Variants in SMYD3 observed in about 807,000 individuals in gnomAD.
The protein encoded by SMYD3 is histone-lysine N-methyltransferase SMYD3.
In SMYD3, 36 loss-of-function variants were observed where a neutral mutation model predicts 57.7. That is an observed-to-expected ratio of 0.62 (90% CI 0.48 to 0.82). The LOEUF (loss-of-function observed/expected upper bound fraction) is 0.82, where lower values mean the gene tolerates loss of function less well. SMYD3 is among the 40% of genes least tolerant of loss of function. The pLI is 0.00. For missense variants in SMYD3, 515 were observed against 538.8 expected (o/e 0.96, Z 0.44); for synonymous variants, 211 against 195.0 (o/e 1.08, Z -0.68).
chr1:246,073,224 C>CA (rs1180099832), intron 5 of SMYD3, among the ~76,000 whole-genome samples: 2 of 152,096 alleles, frequency 1.3e-5, no homozygotes, highest in Non-Finnish European at 2.9e-5. Flanking sequence ...TTGATGCTTG[C>CA]AAAGAGAACA....
chr1:245,822,188 A>C (rs1255351467), intron 10 of SMYD3, among the ~76,000 whole-genome samples: 2 of 152,170 alleles, frequency 1.3e-5, no homozygotes, highest in Non-Finnish European at 2.9e-5. Context: ...AAAATGTGGC[A>C]CATATACACC....
chr1:245,911,830 C>A (rs1389148574), intron 8 of SMYD3, among the ~76,000 whole-genome samples: 1 of 151,700 alleles, frequency 6.6e-6, no homozygotes, highest in Non-Finnish European at 1.5e-5. Flanking sequence ...CACAATAGGG[C>A]AACTATAGTT....
chr1:246,130,918 T>C (rs2061577570), intron 5 of SMYD3, among the ~76,000 whole-genome samples: 2 of 152,144 alleles, frequency 1.3e-5, no homozygotes, highest in Non-Finnish European at 2.9e-5. Context: ...CCAAACTTCA[T>C]ACTAGAGCAC....
chr1:246,323,645 C>A lies in SMYD3; in HGVS notation c.531+3556G>T, dbSNP rs562121831. On this transcript the variant is annotated intron_variant, in intron 5 of 11. Coordinates refer to ENST00000490107, the MANE Select transcript of SMYD3 (RefSeq NM_001167740.2). ...GAAGTGCAAGTTTGATAAAGATATG[C>A]ATATTCTTCAAGTAAGACTTTTGAC... is the stretch of plus-strand genomic sequence containing the variant. Among the ~76,000 whole-genome samples, 8 of 152,304 alleles carry A rather than the reference C, an allele frequency of 5.3e-5. No homozygotes were observed. The East Asian group carries it at 1.5e-3, about 29-fold the overall frequency.
chr1:246,390,704 T>G (rs1279707481), intron 1 of SMYD3, among the ~76,000 whole-genome samples: 7 of 152,142 alleles, frequency 4.6e-5, no homozygotes, highest in Non-Finnish European at 1.5e-5. Context: ...ATACAAAAAT[T>G]ATGAATATTT....
rs531275776 is a variant in SMYD3, at chr1:245,883,762, C to G, written c.814-19876G>C. On this transcript the variant is annotated intron_variant, in intron 8 of 11. Coordinates refer to ENST00000490107, the MANE Select transcript of SMYD3 (RefSeq NM_001167740.2). ...TAGCGAGATGAATCCTTTTCTAATT[C>G]TTGCCTATTTTTGGCTTTTCAGGGA... Among the ~76,000 whole-genome samples the G allele has an allele frequency of 3.9e-5, 6 of 152,250 alleles. No individual in the cohort carries two copies. In the East Asian group the frequency reaches 5.8e-4, roughly 15 times the overall value.
chr1:246,085,603 T>C (rs1391011628), intron 5 of SMYD3, among the ~76,000 whole-genome samples: 1 of 152,162 alleles, frequency 6.6e-6, no homozygotes, highest in East Asian at 1.9e-4. Context: ...TCCTCCAGTT[T>C]ATAACATTCA....
At chr1:245,918,491 G>A (rs2055614004) in intron 7 of SMYD3, among the ~76,000 whole-genome samples, 1 of 152,202 alleles carries the variant, frequency 6.6e-6, no homozygotes. Flanking sequence ...CTTCAGCTGA[G>A]ACAACAGCCA....
At chr1:246,481,844 T>C (rs1276367830) in intron 1 of SMYD3, among the ~76,000 whole-genome samples, 2 of 151,162 alleles carry the variant, frequency 1.3e-5, no homozygotes, top group Non-Finnish European at 2.9e-5. Context: ...AGAACCTTAA[T>C]ACAGGGGTTC....
At chr1:246,154,553 C>A (rs2061992192) in intron 5 of SMYD3, among the ~76,000 whole-genome samples, 3 of 152,124 alleles carry the variant, frequency 2.0e-5, no homozygotes, top group Admixed American at 2.0e-4. Flanking sequence ...CCTTTAAAAA[C>A]AGTAGAATAG....
intron 5 of SMYD3, among the ~76,000 whole-genome samples, chr1:246,066,040 TA>T (rs2060334814): frequency 6.6e-6 from 1 of 152,034 alleles, no homozygotes; most frequent in Non-Finnish European, 1.5e-5. Context: ...CAAAACCAAC[TA>T]AAAGGACAAG....
intron 5 of SMYD3, among the ~76,000 whole-genome samples, chr1:246,038,957 A>G (rs910539341): frequency 6.6e-6 from 1 of 152,244 alleles, no homozygotes; most frequent in African/African-American, 2.4e-5. Context: ...CAGGAAAAAA[A>G]CACTGGGGAA....
At chr1:245,765,302 T>G (rs2046038164) in intron 10 of SMYD3, among the ~76,000 whole-genome samples, 1 of 149,514 alleles carries the variant, frequency 6.7e-6, no homozygotes, top group African/African-American at 2.5e-5. Context: ...GACGCTGAGG[T>G]GGGAGGATCA....
intron 8 of SMYD3, among the ~76,000 whole-genome samples, chr1:245,898,189 A>T (rs1261786443): frequency 6.6e-6 from 1 of 152,212 alleles, no homozygotes; most frequent in African/African-American, 2.4e-5. Context: ...GCTGTTACAT[A>T]AAGGATCATA....
intron 5 of SMYD3, among the ~76,000 whole-genome samples, chr1:246,270,631 T>C (rs1193140860): frequency 6.6e-6 from 1 of 152,226 alleles, no homozygotes; most frequent in Admixed American, 6.5e-5. Flanking sequence ...GGTTCAACCA[T>C]GTTGTAGCAT....
intron 8 of SMYD3, among the ~76,000 whole-genome samples, chr1:245,884,391 G>A (rs891454334): frequency 3.9e-5 from 6 of 152,146 alleles, no homozygotes; most frequent in Middle Eastern, 3.2e-3. Context: ...CTTCTGCAGG[G>A]ACAGAGAGGA....
intron 2 of SMYD3, among the ~76,000 whole-genome samples, chr1:246,336,685 G>C (rs1281260873): frequency 6.6e-6 from 1 of 152,132 alleles, no homozygotes; most frequent in Admixed American, 6.5e-5. Flanking sequence ...CGTTTCACTT[G>C]ATTTTCGTAA....
intron 5 of SMYD3, among the ~76,000 whole-genome samples, chr1:246,061,646 C>T (rs2060254049): frequency 1.3e-5 from 2 of 152,140 alleles, no homozygotes; most frequent in Non-Finnish European, 2.9e-5. Flanking sequence ...GGGAGGATCG[C>T]TTGAGCGAGG....
intron 5 of SMYD3, among the ~76,000 whole-genome samples, chr1:246,187,441 G>T (rs2062660392): frequency 6.6e-6 from 1 of 152,148 alleles, no homozygotes; most frequent in African/African-American, 2.4e-5. Context: ...GACATGAAGA[G>T]AACAGAAAGC....
Sources: allele counts gnomAD v4.1 joint callset (sites outside exome capture counted in the v4.1 genomes callset), GRCh38; gene constraint gnomAD v4.1.1; transcripts MANE v1.5; gene names NCBI Gene and HGNC (gene_info 2026-07-23, HGNC 2026-07-21).